The following JADE1 variants were observed in gnomAD, a reference collection of about 807,000 sequenced individuals.
The protein encoded by JADE1 is protein Jade-1.
Under a neutral mutation model 81.8 loss-of-function variants are expected in JADE1, and 14 were observed. The observed-to-expected ratio is 0.17, with a 90% CI of 0.11 to 0.27. The LOEUF is 0.27. Among genes scored for constraint, JADE1 ranks in the 10% least tolerant of loss-of-function variants. JADE1 has a pLI of 1.00. For synonymous variants in JADE1, 353 were observed against 391.9 expected, an observed-to-expected ratio of 0.90 and a Z score of 1.17; for missense variants, 690 against 1,047.9, an observed-to-expected ratio of 0.66 and a Z score of 4.71.
At chr4:128,818,424 G>A (rs1727248483) in intron 1 of JADE1, among the ~76,000 whole-genome samples, 1 of 152,182 alleles carries the variant, frequency 6.6e-6, no homozygotes, top group African/African-American at 2.4e-5. Context: ...GCCGGCCATA[G>A]TTAGGGACTT....
intron 6 of JADE1, among the ~76,000 whole-genome samples, chr4:128,853,664 C>G (rs567114011): frequency 6.6e-6 from 1 of 152,322 alleles, no homozygotes; most frequent in East Asian, 1.9e-4. Context: ...GAAGTACTTT[C>G]TTTAAATTCA....
chr4:128,815,791 A>G (rs1382586400), intron 1 of JADE1, among the ~76,000 whole-genome samples: 2 of 152,190 alleles, frequency 1.3e-5, no homozygotes, highest in East Asian at 3.8e-4. Context: ...ATTACAGTTA[A>G]TGGTCTGTCA....
chr4:128,837,186 G>A (rs1184006244), intron 2 of JADE1, among the ~76,000 whole-genome samples: 1 of 152,192 alleles, frequency 6.6e-6, no homozygotes, highest in Non-Finnish European at 1.5e-5. Context: ...CTGAGCTAGG[G>A]TGGAAGCAGT....
intron 8 of JADE1, among the ~76,000 whole-genome samples, chr4:128,857,808 C>T (rs548700939): frequency 6.6e-5 from 10 of 152,300 alleles, no homozygotes; most frequent in South Asian, 2.1e-4. Flanking sequence ...TTCCTTGACA[C>T]GGCATTTGAG....
At chr4:128,861,349 T>C (rs1731309175) in intron 8 of JADE1, among the ~76,000 whole-genome samples, 1 of 152,246 alleles carries the variant, frequency 6.6e-6, no homozygotes. Context: ...GATTAAACCT[T>C]TCATTTGAAG....
At position 128,818,674 on chromosome 4, in the gene JADE1, C is replaced by G. The variant is rs557921321; in HGVS notation, c.-27+8797C>G. On this transcript the variant is annotated intron_variant, in intron 1 of 10. Transcript: ENST00000226319. ...CAACTGCTCAAGTCTGCAGTTGTGCCAGAGCAACCATGGGCAAAATGAATG... is the reference window on the plus strand; with the variant it reads ...CAACTGCTCAAGTCTGCAGTTGTGCGAGAGCAACCATGGGCAAAATGAATG... 1.8e-4 allele frequency among the ~76,000 whole-genome samples: 28 copies of G among 152,184 alleles called. No individual in the cohort carries two copies. In the South Asian group the frequency reaches 3.9e-3, roughly 21 times the overall value.
At chr4:128,863,225 T>A (rs1182827769) in intron 9 of JADE1, 1 of 985,452 alleles carries the variant, frequency 1.0e-6, no homozygotes, top group Non-Finnish European at 1.2e-6. Flanking sequence ...CGCTAGGGCC[T>A]CCTGCTCCCT....
intron 8 of JADE1, among the ~76,000 whole-genome samples, chr4:128,860,072 G>A (rs1234094087): frequency 2.0e-5 from 3 of 152,124 alleles, no homozygotes; most frequent in Admixed American, 2.0e-4. Context: ...GAGCGCTTGG[G>A]TTAAGTGTAG....
At chr4:128,832,675 C>G (rs909091156) in intron 2 of JADE1, among the ~76,000 whole-genome samples, 7 of 152,184 alleles carry the variant, frequency 4.6e-5, no homozygotes, top group Admixed American at 1.3e-4. Context: ...GAAACAGATA[C>G]AGATACAGAT....
chr4:128,865,403 T>G (rs536855006), intron 9 of JADE1, among the ~76,000 whole-genome samples: 8 of 152,268 alleles, frequency 5.3e-5, no homozygotes, highest in African/African-American at 1.9e-4. Context: ...TAAGGTGGTG[T>G]GAGAGTGCAC....
At chr4:128,869,185 ATT>A (rs376904804) in intron 10 of JADE1, among the ~76,000 whole-genome samples, 1 of 152,266 alleles carries the variant, frequency 6.6e-6, no homozygotes, top group East Asian at 1.9e-4. Context: ...TATCCTAGAT[ATT>A]TTCTTCCCAA....
chr4:128,844,805 A>AAT (rs1339123003), intron 3 of JADE1, among the ~76,000 whole-genome samples: 3 of 152,094 alleles, frequency 2.0e-5, no homozygotes, highest in Admixed American at 6.5e-5. Context: ...CATACTGGGG[A>AAT]ATAGTCCGTA....
In JADE1 at chr4:128,861,903, G is replaced by C; in HGVS notation, c.1181G>C (p.Arg394Pro). ...AATGGGGCCCCTGAGTGTTCCCCCC[G>C]GAATCCGCTGGAGCCCTTTGCCAGC... The part of the protein sequence containing the change: ...QENGAPECSP[R>P]NPLEPFASLE... Residue 394 changes from arginine to proline, a missense_variant, in exon 9 of 11, where the codon CGG becomes CCG. By Grantham distance (103) the Arg-to-Pro change is moderately radical (BLOSUM62 -2). Around this residue, in one of 8 missense-constraint regions of JADE1, gnomAD observed 77 missense variants for 76.4 expected, o/e 1.01. Transcript: ENST00000226319. 6.2e-7 allele frequency: 1 copy of C among 1,614,046 alleles called. No homozygotes were observed. Among genetic ancestry groups the C allele is most frequent in the Non-Finnish European group, 8.5e-7 (1 of 1,179,934 alleles).
At chr4:128,850,571 G>GTAT (rs567094282) in intron 5 of JADE1, among the ~76,000 whole-genome samples, 226 of 152,246 alleles carry the variant, frequency 1.5e-3, no homozygotes, top group Middle Eastern at 6.8e-3. Flanking sequence ...CCTGCTTTAG[G>GTAT]TATTAATGGC....
chr4:128,822,668 G>A (rs1327413383), intron 1 of JADE1, among the ~76,000 whole-genome samples: 3 of 151,386 alleles, frequency 2.0e-5, no homozygotes, highest in Non-Finnish European at 2.9e-5. Flanking sequence ...GCGGTGAGCC[G>A]AGATCACACC....
chr4:128,834,781 A>G lies in JADE1; in HGVS notation c.52+2971A>G, dbSNP rs1728846039. Among the ~76,000 whole-genome samples the G allele has an allele frequency of 1.3e-5, 2 of 151,746 alleles. 1 individual carries two copies. Among genetic ancestry groups the G allele is most frequent in the South Asian group, 4.2e-4 (2 of 4,814 alleles). ...GATCTCCTGACCTCATGATCTGCCC[A>G]CCTTCTGCCTCCCAAAGTGCTGGGA... On this transcript the variant is annotated intron_variant, in intron 2 of 10. Transcript: ENST00000226319.
rs181663528 is a variant in JADE1 at position 128,859,938 on chromosome 4, T to G, written c.982-1766T>G. Among the ~76,000 whole-genome samples, 37 of 152,344 alleles carry G rather than the reference T, an allele frequency of 2.4e-4. 1 individual carries two copies. Among genetic ancestry groups the G allele is most frequent in the Admixed American group, 2.4e-3 (36 of 15,312 alleles). The stretch of plus-strand genomic sequence containing the variant: ...TGTCTGCAGCTGTGAAGGCTCTGGT[T>G]TACGTTTCTGTAACATCTGTTTGCT... On this transcript the variant is annotated intron_variant, in intron 8 of 10. Coordinates refer to ENST00000226319, the MANE Select transcript of JADE1 (RefSeq NM_199320.4).
At chr4:128,814,896 G>C (rs1211335469) in intron 1 of JADE1, among the ~76,000 whole-genome samples, 1 of 151,550 alleles carries the variant, frequency 6.6e-6, no homozygotes, top group Non-Finnish European at 1.5e-5. Context: ...CAGCTAGCTT[G>C]GTTAGTTTTA....
chr4:128,864,945 G>A (rs990768966), intron 9 of JADE1: 1 of 152,194 alleles, frequency 6.6e-6, no homozygotes, highest in Non-Finnish European at 1.5e-5. Context: ...GATGTGGTGG[G>A]TAGCCATGTC....
Sources: allele counts gnomAD v4.1 joint callset (sites outside exome capture counted in the v4.1 genomes callset), GRCh38; gene constraint gnomAD v4.1.1; regional missense constraint gnomAD v4.1.1; transcripts MANE v1.5; gene names NCBI Gene and HGNC (gene_info 2026-07-23, HGNC 2026-07-21).